Variants in MCM10 observed in about 807,000 individuals in gnomAD.
MCM10 encodes minichromosome maintenance 10 replication initiation factor.
In MCM10, 91 loss-of-function variants were observed where a neutral mutation model predicts 109.9. The observed-to-expected ratio is 0.83, with a 90% CI of 0.70 to 0.99. The LOEUF is 0.99. Ranked by LOEUF, MCM10 falls within the 50% of genes least tolerant of loss-of-function variation. The probability of loss-of-function intolerance (pLI) is 0.00; values close to 1 mark genes in which losing one functional copy is unlikely to be tolerated. For synonymous variants in MCM10, 380 were observed against 387.2 expected (o/e 0.98, Z 0.22); for missense variants, 1,077 against 1,061.2 (o/e 1.01, Z -0.21).
rs552494341 is a variant in MCM10 at position 13,204,687 on chromosome 10, T to C, written c.2498+323T>C. Among the ~76,000 whole-genome samples, 199 of 152,196 alleles carry C rather than the reference T, an allele frequency of 1.3e-3. 1 individual carries two copies. The highest frequency in any genetic ancestry group is 9.9e-4 in the Non-Finnish European group (67 of 68,008). ...GGGGGCTAGGATGCACATAATATTT[T>C]TTTCCTCTCTCCAAAGAGTTATTTG... On this transcript the variant is annotated intron_variant, in intron 18 of 19. Coordinates refer to ENST00000378714, the MANE Select transcript of MCM10 (RefSeq NM_018518.5).
intron 1 of MCM10, among the ~76,000 whole-genome samples, chr10:13,162,342 T>C (rs1411553453): frequency 6.6e-6 from 1 of 152,112 alleles, no homozygotes; most frequent in Non-Finnish European, 1.5e-5. Context: ...CTAAGGGCAA[T>C]GGAAAATCAT....
At chr10:13,202,087 G>A (rs1240092427) in intron 17 of MCM10, among the ~76,000 whole-genome samples, 1 of 152,196 alleles carries the variant, frequency 6.6e-6, no homozygotes, top group Non-Finnish European at 1.5e-5. Flanking sequence ...GGCTGGGTGT[G>A]ATGGCTCATG....
At position 13,169,239 on chromosome 10, in the gene MCM10, T is replaced by C. The variant is rs148723227; in HGVS notation, c.8-1683T>C. On this transcript the variant is annotated intron_variant, in intron 2 of 19. Transcript: ENST00000378714. ...CAGACATTGCGTCCTCAAGCTCGTCTATGAAACCCCATGCATTTTGCCATG... is the reference window on the plus strand; with the variant it reads ...CAGACATTGCGTCCTCAAGCTCGTCCATGAAACCCCATGCATTTTGCCATG... 2.3e-3 allele frequency among the ~76,000 whole-genome samples: 344 copies of C among 152,268 alleles called. 1 individual carries two copies. The highest frequency in any genetic ancestry group is 7.6e-3 in the African/African-American group (316 of 41,558).
In MCM10 at chr10:13,167,646, T is replaced by C. The variant is rs1834018946; in HGVS notation, c.8-3276T>C. The stretch of plus-strand genomic sequence containing the variant: ...CACATGACAGTGCCATGAGGGGTTC[T>C]TGATGCCAGCGTCTGGTGTCTTGAA... On this transcript the variant is annotated intron_variant, in intron 2 of 19. Transcript: ENST00000378714. Among the ~76,000 whole-genome samples the C allele has an allele frequency of 1.3e-5, 2 of 152,116 alleles. 1 individual carries two copies. The highest frequency in any genetic ancestry group is 4.1e-4 in the South Asian group (2 of 4,820).
chr10:13,206,123 A>T (rs1049539511), intron 18 of MCM10, among the ~76,000 whole-genome samples: 2 of 152,136 alleles, frequency 1.3e-5, no homozygotes, highest in Non-Finnish European at 2.9e-5. Flanking sequence ...GTGAACGTGT[A>T]CTGCTTGCTC....
intron 8 of MCM10, among the ~76,000 whole-genome samples, chr10:13,183,781 C>A (rs1002235322): frequency 6.6e-6 from 1 of 151,888 alleles, no homozygotes. Context: ...GTCTCCTGGG[C>A]GTAAGTGATA....
At chr10:13,183,283 C>A (rs1255238832) in intron 8 of MCM10, among the ~76,000 whole-genome samples, 183 bp downstream of exon 8, 2 of 152,108 alleles carry the variant, frequency 1.3e-5, no homozygotes, top group Non-Finnish European at 2.9e-5. Context: ...ATAGTGAGAA[C>A]CCCATCTCTA....
chr10:13,165,701 C>G (rs996023712), intron 2 of MCM10, among the ~76,000 whole-genome samples: 2 of 151,842 alleles, frequency 1.3e-5, no homozygotes, highest in African/African-American at 4.8e-5. Flanking sequence ...ATAGTGAAAC[C>G]CCATTTCTAC....
intron 10 of MCM10, among the ~76,000 whole-genome samples, chr10:13,191,083 C>T (rs1834341056): frequency 6.6e-6 from 1 of 152,098 alleles, no homozygotes; most frequent in Non-Finnish European, 1.5e-5. Context: ...AGAATGGCCT[C>T]AAGTGGATTT....
At chr10:13,196,435 A>C (rs1043355353) in intron 14 of MCM10, among the ~76,000 whole-genome samples, 1 of 152,208 alleles carries the variant, frequency 6.6e-6, no homozygotes, top group Non-Finnish European at 1.5e-5. Context: ...GAATACCTAC[A>C]ATAACCATGG....
intron 18 of MCM10, among the ~76,000 whole-genome samples, chr10:13,204,998 GTATGTATATATA>G (rs1479073280): frequency 0.12 from 2,244 of 18,900 alleles, 65 homozygotes; most frequent in Non-Finnish European, 0.19. Flanking sequence ...ATGTATGTAT[GTATGTATATATA>G]TATATATATA....
chr10:13,177,507 GCTTTTTTTTT>G (rs766683583), intron 6 of MCM10, among the ~76,000 whole-genome samples: 4 of 92,354 alleles, frequency 4.3e-5, no homozygotes, highest in East Asian at 5.6e-4. Context: ...AGATTTTGGA[GCTTTTTTTTT>G]TTTTTTTTTT....
chr10:13,176,337 T>G (rs1212310993), intron 6 of MCM10, among the ~76,000 whole-genome samples: 1 of 152,196 alleles, frequency 6.6e-6, no homozygotes, highest in Non-Finnish European at 1.5e-5. Flanking sequence ...TTTTTCTAAC[T>G]TTATTTTAAT....
intron 10 of MCM10, among the ~76,000 whole-genome samples, 174 bp from the exon 11 acceptor site, chr10:13,191,125 C>T (rs1049542774): frequency 9.2e-5 from 14 of 152,146 alleles, no homozygotes; most frequent in African/African-American, 3.1e-4. Flanking sequence ...CTCTGTGACA[C>T]AGTGCATAAA....
chr10:13,207,618 C>A (rs1271071439), intron 18 of MCM10, among the ~76,000 whole-genome samples: 2 of 152,104 alleles, frequency 1.3e-5, no homozygotes, highest in East Asian at 3.9e-4. Context: ...CAGGTCTTTC[C>A]CGGGCTGTTC....
At position 13,189,752 on chromosome 10, in the gene MCM10, C is replaced by T. The variant is rs570483508; in HGVS notation, c.1415+672C>T. Among the ~76,000 whole-genome samples the T allele has an allele frequency of 5.3e-5, 8 of 152,220 alleles. No homozygotes were observed. In the South Asian group the frequency reaches 6.2e-4, roughly 12 times the overall value. ...AGTGAGGCTACAGACCTCATGGAAC[C>T]CAAATTTCATTCAGTGAGTGAATAT... On this transcript the variant is annotated intron_variant, in intron 10 of 19. Transcript: ENST00000378714.
intron 2 of MCM10, among the ~76,000 whole-genome samples, chr10:13,165,896 G>GAAA (rs1833990848): frequency 7.0e-6 from 1 of 143,882 alleles, no homozygotes; most frequent in Admixed American, 6.9e-5. Flanking sequence ...AAAAAAAGAG[G>GAAA]AAAAAGAAAT....
intron 8 of MCM10, among the ~76,000 whole-genome samples, chr10:13,185,317 C>T (rs1300102389): frequency 2.0e-5 from 3 of 152,138 alleles, no homozygotes; most frequent in East Asian, 1.9e-4. Flanking sequence ...GGACAAAGCC[C>T]GAGCTATTCA....
intron 2 of MCM10, among the ~76,000 whole-genome samples, chr10:13,170,036 T>TA (rs1178839534): frequency 2.0e-5 from 3 of 152,242 alleles, no homozygotes; most frequent in Non-Finnish European, 4.4e-5. Flanking sequence ...GGGTTAATCT[T>TA]ACAAGCAATG....
Sources: gnomAD v4.1 joint callset for allele counts (sites outside exome capture counted in the v4.1 genomes callset) on GRCh38, gnomAD v4.1.1 for gene constraint, MANE v1.5 for transcripts, NCBI Gene and HGNC (gene_info 2026-07-23, HGNC 2026-07-21) for gene names.